The following APP variants were observed in gnomAD, a reference collection of about 807,000 sequenced individuals.
APP encodes amyloid-beta precursor protein.
In APP, 31 loss-of-function variants were observed where a neutral mutation model predicts 101.4. The observed-to-expected ratio is 0.31, with a 90% CI of 0.23 to 0.41. APP has a LOEUF of 0.41. Among genes scored for constraint, APP ranks in the 10% least tolerant of loss-of-function variants. APP has a pLI of 1.00. For missense variants in APP, 839 were observed against 1,003.7 expected (o/e 0.84, Z 2.22); for synonymous variants, 366 against 364.4 (o/e 1.00, Z -0.05).
At chr21:25,927,288 C>G (rs2039942775) in intron 13 of APP, among the ~76,000 whole-genome samples, 1 of 151,888 alleles carries the variant, frequency 6.6e-6, no homozygotes, top group African/African-American at 2.4e-5. Context: ...AACACTCTCC[C>G]AAGTCTTTAG....
intron 1 of APP, among the ~76,000 whole-genome samples, chr21:26,167,903 G>A (rs561621690): frequency 6.6e-6 from 1 of 152,234 alleles, no homozygotes; most frequent in Non-Finnish European, 1.5e-5. Context: ...AGCAAGAACC[G>A]TGACTCCTTA....
intron 11 of APP, among the ~76,000 whole-genome samples, chr21:25,969,175 T>A (rs2041909351): frequency 1.4e-5 from 2 of 140,082 alleles, no homozygotes; most frequent in African/African-American, 2.9e-5. Context: ...CCGTCTCTAC[T>A]AAAAATACAA....
At chr21:26,053,441 G>C in intron 3 of APP, 93 bp from the exon 4 acceptor site, 1 of 943,014 alleles carries the variant, frequency 1.1e-6, no homozygotes, top group South Asian at 1.3e-5. Context: ...TTCAAGACAA[G>C]TTAAACAGCC....
At chr21:25,983,222 C>CCTAT (rs2042507502) in intron 8 of APP, among the ~76,000 whole-genome samples, 1 of 152,102 alleles carries the variant, frequency 6.6e-6, no homozygotes, top group Admixed American at 6.5e-5. Context: ...AATTATAATA[C>CCTAT]CTATACAAGC....
intron 8 of APP, among the ~76,000 whole-genome samples, chr21:25,988,739 G>C (rs1020943236): frequency 2.8e-5 from 4 of 141,528 alleles, no homozygotes; most frequent in Admixed American, 7.0e-5. Flanking sequence ...CAAAGATGAA[G>C]GTGGCTTGGA....
At chr21:25,993,210 C>A (rs2042936524) in intron 8 of APP, among the ~76,000 whole-genome samples, 1 of 152,158 alleles carries the variant, frequency 6.6e-6, no homozygotes, top group Admixed American at 6.5e-5. Flanking sequence ...GTCATCTGGA[C>A]CATTCTGATG....
At chr21:25,913,748 G>A (rs1186952663) in intron 13 of APP, among the ~76,000 whole-genome samples, 1 of 152,122 alleles carries the variant, frequency 6.6e-6, no homozygotes, top group Non-Finnish European at 1.5e-5. Context: ...CGCATACACA[G>A]TACTTATCTT....
chr21:25,989,105 C>T (rs59074064), intron 8 of APP, among the ~76,000 whole-genome samples: 3,184 of 152,204 alleles, frequency 0.021, 104 homozygotes, highest in African/African-American at 0.07. Context: ...AAGACACCAA[C>T]GAAACATTTT....
chr21:25,947,440 G>A (rs753546415), intron 13 of APP, among the ~76,000 whole-genome samples: 6 of 152,164 alleles, frequency 3.9e-5, no homozygotes, highest in African/African-American at 1.4e-4. Flanking sequence ...ATTTCAACAT[G>A]GCAGTCCAAA....
intron 11 of APP, among the ~76,000 whole-genome samples, chr21:25,961,270 T>C (rs1168996868): frequency 2.0e-5 from 3 of 152,218 alleles, no homozygotes; most frequent in African/African-American, 7.2e-5. Context: ...CTTATATGTA[T>C]TGACTGATGC....
intron 3 of APP, among the ~76,000 whole-genome samples, chr21:26,078,487 A>G (rs1045186437): frequency 6.6e-6 from 1 of 152,200 alleles, no homozygotes; most frequent in Non-Finnish European, 1.5e-5. Context: ...CTTGGGTTTC[A>G]TGGCAAAGGC....
intron 17 of APP, among the ~76,000 whole-genome samples, chr21:25,886,998 T>A (rs1290122387): frequency 1.3e-5 from 2 of 151,920 alleles, no homozygotes; most frequent in African/African-American, 4.8e-5. Flanking sequence ...AAAGGAACTC[T>A]CTTCTTATTT....
chr21:25,997,334 C>T (rs755348595), intron 8 of APP, 26 bp downstream of exon 8: 1 of 1,608,690 alleles, frequency 6.2e-7, no homozygotes. Flanking sequence ...CCCCTCTTCC[C>T]TTCCCTCAGG....
chr21:26,000,382 T>C (rs1395468083), intron 6 of APP, among the ~76,000 whole-genome samples, 200 bp from the exon 7 acceptor site: 1 of 152,216 alleles, frequency 6.6e-6, no homozygotes, highest in Non-Finnish European at 1.5e-5. Flanking sequence ...TGCACTGTCA[T>C]CTGGTTTAAT....
At chr21:26,134,823 T>TTTAG (rs1373154842) in intron 1 of APP, among the ~76,000 whole-genome samples, 1 of 152,136 alleles carries the variant, frequency 6.6e-6, no homozygotes, top group Non-Finnish European at 1.5e-5. Flanking sequence ...TTCCAAGGAT[T>TTTAG]TTAGGAGCTA....
At chr21:26,129,191 G>C (rs1017286645) in intron 1 of APP, among the ~76,000 whole-genome samples, 1 of 152,144 alleles carries the variant, frequency 6.6e-6, no homozygotes, top group African/African-American at 2.4e-5. Flanking sequence ...TCCAGGTCTT[G>C]GACAGGCACC....
At chr21:25,897,773 C>T in intron 15 of APP, 100 bp from the exon 16 acceptor site, 2 of 968,598 alleles carry the variant, frequency 2.1e-6, no homozygotes, top group Non-Finnish European at 3.3e-6. Flanking sequence ...TCTTTCTAGG[C>T]CTGAAGTTAG....
intron 1 of APP, among the ~76,000 whole-genome samples, chr21:26,168,435 ACCT>A (rs1219168055): frequency 2.0e-5 from 3 of 152,070 alleles, no homozygotes; most frequent in African/African-American, 7.2e-5. Context: ...TGTGAATCTC[ACCT>A]CCACCCTTTA....
chr21:26,105,777 C>T (rs2062169445), intron 2 of APP, among the ~76,000 whole-genome samples: 1 of 152,146 alleles, frequency 6.6e-6, no homozygotes, highest in Admixed American at 6.5e-5. Flanking sequence ...GCTCAATACT[C>T]CCCAAAAAGC....
Sources: allele counts gnomAD v4.1 joint callset (sites outside exome capture counted in the v4.1 genomes callset), GRCh38; gene constraint gnomAD v4.1.1; transcripts MANE v1.5; gene names NCBI Gene and HGNC (gene_info 2026-07-23, HGNC 2026-07-21).